The following CDKAL1 variants were observed in gnomAD, a reference collection of about 807,000 sequenced individuals.
CDKAL1 encodes the protein CDKAL1 threonylcarbamoyladenosine tRNA methylthiotransferase, also known as threonylcarbamoyladenosine tRNA methylthiotransferase.
Under a neutral mutation model 68.2 loss-of-function variants are expected in CDKAL1, and 32 were observed. That is an observed-to-expected ratio of 0.47 (90% CI 0.35 to 0.63). The LOEUF is 0.63. Among genes scored for constraint, CDKAL1 ranks in the 30% least tolerant of loss-of-function variants. CDKAL1 has a pLI of 0.00. For missense variants in CDKAL1, 606 were observed against 696.7 expected (o/e 0.87, Z 1.47); for synonymous variants, 234 against 244.3 (o/e 0.96, Z 0.39).
intron 2 of CDKAL1, among the ~76,000 whole-genome samples, chr6:20,537,790 CT>C (rs1417778005): frequency 2.0e-5 from 3 of 151,952 alleles, no homozygotes; most frequent in African/African-American, 7.3e-5. Context: ...TTTAATGATC[CT>C]TTTGCTCCAT....
chr6:21,128,548 A>C (rs541401668), intron 13 of CDKAL1, among the ~76,000 whole-genome samples: 100 of 152,324 alleles, frequency 6.6e-4, no homozygotes, highest in African/African-American at 2.3e-3. Flanking sequence ...TGTTACTTAA[A>C]ACCTCTTTTG....
intron 15 of CDKAL1, among the ~76,000 whole-genome samples, chr6:21,210,411 G>A (rs377290126): frequency 3.3e-5 from 5 of 152,150 alleles, no homozygotes; most frequent in East Asian, 3.9e-4. Context: ...GAAGGCTCCA[G>A]AGAGCTGCCT....
intron 13 of CDKAL1, among the ~76,000 whole-genome samples, chr6:21,157,180 C>G (rs1776688463): frequency 6.6e-6 from 1 of 152,180 alleles, no homozygotes; most frequent in Non-Finnish European, 1.5e-5. Flanking sequence ...TCCTAGCCAG[C>G]AGTGTTAGAA....
At chr6:20,904,311 G>C (rs954717468) in intron 9 of CDKAL1, among the ~76,000 whole-genome samples, 2 of 152,122 alleles carry the variant, frequency 1.3e-5, no homozygotes, top group African/African-American at 2.4e-5. Flanking sequence ...CAAGGTGGGA[G>C]GATTGCTTGA....
At chr6:21,018,373 G>T (rs1294099186) in intron 11 of CDKAL1, among the ~76,000 whole-genome samples, 2 of 152,126 alleles carry the variant, frequency 1.3e-5, no homozygotes, top group Non-Finnish European at 2.9e-5. Context: ...TCTTATTTCT[G>T]GTTTTTGTGC....
At chr6:21,227,758 C>T (rs190317678) in intron 15 of CDKAL1, among the ~76,000 whole-genome samples, 2 of 152,206 alleles carry the variant, frequency 1.3e-5, no homozygotes, top group African/African-American at 2.4e-5. Flanking sequence ...AAAGGATGCC[C>T]GAGGAAGAAT....
At chr6:20,941,202 A>C (rs553159101) in intron 9 of CDKAL1, among the ~76,000 whole-genome samples, 1 of 150,684 alleles carries the variant, frequency 6.6e-6, no homozygotes, top group African/African-American at 2.4e-5. Context: ...TATTACTCTT[A>C]ATGCATCTCA....
chr6:21,079,660 C>T (rs949203219), intron 12 of CDKAL1, among the ~76,000 whole-genome samples: 1 of 152,266 alleles, frequency 6.6e-6, no homozygotes, highest in South Asian at 2.1e-4. Context: ...GACCCTTGAA[C>T]GTTGCTGAAA....
chr6:21,075,283 G>C (rs7766728), intron 12 of CDKAL1, among the ~76,000 whole-genome samples: 1 of 146,844 alleles, frequency 6.8e-6, no homozygotes, highest in South Asian at 2.1e-4. Flanking sequence ...TACTCTCCCC[G>C]TCATATTTAC....
In CDKAL1 at chr6:20,592,882, G is replaced by C. The variant is rs139694376; in HGVS notation, c.286+44177G>C. On this transcript the variant is annotated intron_variant, in intron 4 of 15. Transcript: ENST00000274695. ...TATTGAGAGTTTTTAGCATGAAGGG[G>C]TGTTGAATTTTATCGAAGGCCTTTT... Among the ~76,000 whole-genome samples, 500 of 152,100 alleles carry C rather than the reference G, an allele frequency of 3.3e-3. 1 individual carries two copies. Among genetic ancestry groups the C allele is most frequent in the Admixed American group, 6.8e-3 (104 of 15,276 alleles).
chr6:21,205,810 C>T (rs376243915), intron 15 of CDKAL1, among the ~76,000 whole-genome samples: 19 of 135,626 alleles, frequency 1.4e-4, no homozygotes, highest in African/African-American at 2.5e-4. Context: ...GGATTACATG[C>T]GTGAGCCCCC....
At chr6:21,009,891 T>C (rs150037665) in intron 11 of CDKAL1, among the ~76,000 whole-genome samples, 250 of 152,272 alleles carry the variant, frequency 1.6e-3, no homozygotes, top group African/African-American at 5.6e-3. Flanking sequence ...TACAAACATA[T>C]AGCTAGATAG....
intron 4 of CDKAL1, among the ~76,000 whole-genome samples, chr6:20,579,994 C>T (rs958281106): frequency 6.6e-6 from 1 of 152,188 alleles, no homozygotes; most frequent in Non-Finnish European, 1.5e-5. Flanking sequence ...AAGCTAATTA[C>T]ATAACCAATT....
intron 9 of CDKAL1, among the ~76,000 whole-genome samples, chr6:20,848,927 C>A (rs528990869): frequency 1.3e-5 from 2 of 151,822 alleles, no homozygotes; most frequent in African/African-American, 4.8e-5. Context: ...GCAGTAGTGG[C>A]GACTATAGCC....
chr6:21,047,722 G>A (rs1161572504), intron 11 of CDKAL1, among the ~76,000 whole-genome samples: 1 of 152,134 alleles, frequency 6.6e-6, no homozygotes, highest in Non-Finnish European at 1.5e-5. Context: ...AAAATGTCAG[G>A]AAGATCATAA....
At chr6:21,163,846 A>G (rs6935079) in intron 13 of CDKAL1, among the ~76,000 whole-genome samples, 58,163 of 151,824 alleles carry the variant, frequency 0.38, 12,202 homozygotes, top group African/African-American at 0.56. Context: ...AGCTACTTGG[A>G]AGGCTGAGGC....
intron 9 of CDKAL1, among the ~76,000 whole-genome samples, chr6:20,931,656 G>T (rs1763467463): frequency 6.6e-6 from 1 of 152,136 alleles, no homozygotes; most frequent in South Asian, 2.1e-4. Context: ...GAAAACATTT[G>T]CCCTTCCTAA....
At chr6:20,628,342 A>G (rs531122333) in intron 4 of CDKAL1, among the ~76,000 whole-genome samples, 6 of 152,262 alleles carry the variant, frequency 3.9e-5, no homozygotes, top group Admixed American at 2.0e-4. Flanking sequence ...TAAAAATACT[A>G]TGAAGGGAGA....
chr6:21,060,765 G>A (rs889818509), intron 11 of CDKAL1, among the ~76,000 whole-genome samples: 4 of 151,962 alleles, frequency 2.6e-5, no homozygotes, highest in Non-Finnish European at 4.4e-5. Flanking sequence ...TTCCCCAAAA[G>A]TATTGAATAT....
Sources: allele counts gnomAD v4.1 joint callset (sites outside exome capture counted in the v4.1 genomes callset), GRCh38; gene constraint gnomAD v4.1.1; transcripts MANE v1.5; gene names NCBI Gene and HGNC (gene_info 2026-07-23, HGNC 2026-07-21).